LRCH3: variants seen among roughly 807,000 people sequenced by gnomAD.
LRCH3 encodes DISP complex protein LRCH3.
LRCH3 carries 68 observed loss-of-function variants against 104.5 expected under a neutral mutation model. The observed-to-expected ratio is 0.65, with a 90% CI of 0.54 to 0.80. The LOEUF (loss-of-function observed/expected upper bound fraction) is 0.80. Ranked by LOEUF, LRCH3 falls within the 30% of genes least tolerant of loss-of-function variation. The pLI, the probability that LRCH3 is intolerant of heterozygous loss-of-function variation, is 0.00. For missense variants in LRCH3, 951 were observed against 953.9 expected, an observed-to-expected ratio of 1.00 and a Z score of 0.04; for synonymous variants, 344 against 361.3, an observed-to-expected ratio of 0.95 and a Z score of 0.54.
At chr3:197,872,823 C>G (rs868763900) in intron 19 of LRCH3, among the ~76,000 whole-genome samples, 1 of 146,392 alleles carries the variant, frequency 6.8e-6, no homozygotes, top group African/African-American at 2.6e-5. Context: ...CCACTGCACT[C>G]CAGCCTGGGC....
intron 20 of LRCH3, among the ~76,000 whole-genome samples, chr3:197,877,926 A>G (rs1340865121): frequency 1.3e-5 from 2 of 152,196 alleles, no homozygotes; most frequent in African/African-American, 2.4e-5. Flanking sequence ...ACCTTTTTAA[A>G]TATTTTGAGA....
At chr3:197,875,669 A>G in intron 19 of LRCH3, 29 bp from the exon 20 acceptor site, 1 of 1,507,902 alleles carries the variant, frequency 6.6e-7, no homozygotes, top group South Asian at 1.2e-5. Flanking sequence ...AAACTTCTCT[A>G]GTAACACATT....
chr3:197,880,841 G>C, intron 20 of LRCH3: 1 of 1,476,866 alleles, frequency 6.8e-7, no homozygotes. Context: ...AACCCATAAA[G>C]GAGGTAAATC....
At chr3:197,806,964 A>T (rs754158226) in intron 1 of LRCH3, among the ~76,000 whole-genome samples, 9 of 151,366 alleles carry the variant, frequency 5.9e-5, no homozygotes, top group Non-Finnish European at 1.0e-4. Flanking sequence ...ACTTGAGCCC[A>T]GGAGTTCCAG....
chr3:197,832,423 C>A, intron 8 of LRCH3, 106 bp downstream of exon 8: 1 of 1,114,196 alleles, frequency 9.0e-7, no homozygotes, highest in Non-Finnish European at 1.2e-6. Flanking sequence ...AGCTTCTTCA[C>A]TCTTCTTTTA....
chr3:197,882,305 A>G (rs1480305881), intron 20 of LRCH3: 1 of 985,346 alleles, frequency 1.0e-6, no homozygotes, highest in African/African-American at 1.7e-5. Context: ...CATTTTAAGT[A>G]TCATTTATCT....
At chr3:197,793,849 A>G (rs937865080) in intron 1 of LRCH3, among the ~76,000 whole-genome samples, 1 of 152,252 alleles carries the variant, frequency 6.6e-6, no homozygotes, top group Non-Finnish European at 1.5e-5. Context: ...ATGTAGTAAT[A>G]TCACTTATGA....
chr3:197,880,009 G>C (rs962131898), intron 20 of LRCH3, among the ~76,000 whole-genome samples: 10 of 149,484 alleles, frequency 6.7e-5, no homozygotes, highest in Admixed American at 1.3e-4. Context: ...GCGGTGGCGC[G>C]ATCTCGGCTC....
At chr3:197,851,977 CTT>C in intron 12 of LRCH3, among the ~76,000 whole-genome samples, 1 of 152,316 alleles carries the variant, frequency 6.6e-6, no homozygotes, top group South Asian at 2.1e-4. Flanking sequence ...CATAACCTCT[CTT>C]CTCGATTTTC....
At chr3:197,843,084 TAAAAAAAA>T (rs11292727) in intron 10 of LRCH3, among the ~76,000 whole-genome samples, 1 of 140,168 alleles carries the variant, frequency 7.1e-6, no homozygotes, top group Non-Finnish European at 1.5e-5. Flanking sequence ...GACTCTGTCT[TAAAAAAAA>T]AAAAAAAAAA....
At chr3:197,868,818 G>A (rs1252757347) in intron 17 of LRCH3, among the ~76,000 whole-genome samples, 1 of 152,180 alleles carries the variant, frequency 6.6e-6, no homozygotes, top group East Asian at 1.9e-4. Flanking sequence ...GTCAGGGTGC[G>A]GTTTTGAGCA....
At chr3:197,816,659 A>G (rs1285922564) in intron 2 of LRCH3, among the ~76,000 whole-genome samples, 1 of 152,148 alleles carries the variant, frequency 6.6e-6, no homozygotes, top group African/African-American at 2.4e-5. Flanking sequence ...CCTGTAACTT[A>G]GTTGGTGTGA....
chr3:197,828,092 A>C (rs1171079597), intron 5 of LRCH3, among the ~76,000 whole-genome samples: 1 of 151,070 alleles, frequency 6.6e-6, no homozygotes, highest in African/African-American at 2.4e-5. Context: ...AAAAAAAAAA[A>C]TGCTAGAGAC....
intron 20 of LRCH3, chr3:197,882,320 T>C (rs1182390790): frequency 6.1e-6 from 6 of 985,292 alleles, no homozygotes; most frequent in African/African-American, 1.7e-5. Context: ...TTATCTAGAC[T>C]TGCAGTTGCA....
intron 1 of LRCH3, among the ~76,000 whole-genome samples, chr3:197,797,793 G>C (rs1731395704): frequency 6.6e-6 from 1 of 150,908 alleles, no homozygotes; most frequent in Non-Finnish European, 1.5e-5. Context: ...CGGGGAGGTG[G>C]AGGTTGCAGT....
intron 12 of LRCH3, 140 bp downstream of exon 12, chr3:197,848,161 T>C: frequency 1.3e-6 from 1 of 741,986 alleles, no homozygotes; most frequent in Non-Finnish European, 2.2e-6. Context: ...ATAGAGTGTC[T>C]CTTTTACTTG....
chr3:197,870,319 T>A (rs756637572), intron 18 of LRCH3, 41 bp downstream of exon 18: 1 of 1,573,130 alleles, frequency 6.4e-7, no homozygotes, highest in East Asian at 2.2e-5. Flanking sequence ...TCAGTATTAC[T>A]GCTATAGATC....
intron 10 of LRCH3, among the ~76,000 whole-genome samples, chr3:197,840,489 A>G (rs1394913330): frequency 6.6e-6 from 1 of 152,188 alleles, no homozygotes; most frequent in Non-Finnish European, 1.5e-5. Context: ...TTTGAAAATT[A>G]GCTTGATCGT....
intron 7 of LRCH3, 52 bp downstream of exon 7, chr3:197,830,915 G>A (rs1735843451): frequency 7.1e-7 from 1 of 1,411,554 alleles, no homozygotes; most frequent in Non-Finnish European, 1.0e-6. Flanking sequence ...AGAGAAAACA[G>A]AATGATGAAA....
Sources: allele counts gnomAD v4.1 joint callset (sites outside exome capture counted in the v4.1 genomes callset), GRCh38; gene constraint gnomAD v4.1.1; transcripts MANE v1.5; gene names NCBI Gene and HGNC (gene_info 2026-07-23, HGNC 2026-07-21).